CAND2: variants seen among roughly 807,000 people sequenced by gnomAD.
CAND2 encodes the protein cullin-associated NEDD8-dissociated protein 2.
In CAND2, 62 loss-of-function variants were observed where a neutral mutation model predicts 98.9. That is an observed-to-expected ratio of 0.63 (90% CI 0.51 to 0.77). CAND2 has a LOEUF of 0.77. Among genes scored for constraint, CAND2 ranks in the 30% least tolerant of loss-of-function variants. The probability of loss-of-function intolerance (pLI) is 0.00; values close to 1 mark genes in which losing one functional copy is unlikely to be tolerated. For synonymous variants in CAND2, 770 were observed against 731.9 expected, an observed-to-expected ratio of 1.05 and a Z score of -0.84; for missense variants, 1,501 against 1,655.2, an observed-to-expected ratio of 0.91 and a Z score of 1.62.
chr3:12,831,625 C>T (rs1027901927), intron 14 of CAND2, 53 bp downstream of exon 14: 229 of 993,070 alleles, frequency 2.3e-4, no homozygotes, highest in Admixed American at 5.2e-4. Context: ...ATGGAGTCCT[C>T]GGCCAGTCGT....
intron 1 of CAND2, among the ~76,000 whole-genome samples, chr3:12,801,509 G>A (rs971129961): frequency 5.3e-5 from 8 of 152,064 alleles, no homozygotes; most frequent in Admixed American, 2.0e-4. Context: ...ACCATTCCTC[G>A]ACTTGGAAAG....
In CAND2 at chr3:12,817,259, A is replaced by G; in HGVS notation, c.2327A>G (p.Lys776Arg). ...CGTCCCCCGTGTGTGGACTATGCCA[A>G]ACTCATCAGCCTGCTCACTGCGCCT... The part of the protein sequence containing the change: ...GTRPPCVDYA[K>R]LISLLTAPVY... The change falls in exon 10 of 15, where the codon AAA (lysine) becomes AGA (arginine). Residue 776 changes from lysine (K) to arginine (R), a missense_variant. Coordinates refer to ENST00000456430, the MANE Select transcript of CAND2 (RefSeq NM_001162499.2). 1 of 1,613,940 alleles carries G rather than the reference A, an allele frequency of 6.2e-7. No homozygotes were observed. Among genetic ancestry groups the G allele is most frequent in the Non-Finnish European group, 8.5e-7 (1 of 1,180,032 alleles).
chr3:12,821,391 ACT>A (rs2061956188), intron 11 of CAND2, among the ~76,000 whole-genome samples: 1 of 151,752 alleles, frequency 6.6e-6, no homozygotes, highest in African/African-American at 2.4e-5. Context: ...CAAGAGCAAA[ACT>A]CTGTCTCATA....
chr3:12,831,014 T>TA (rs66870467), intron 13 of CAND2, among the ~76,000 whole-genome samples: 10 of 152,092 alleles, frequency 6.6e-5, no homozygotes, highest in African/African-American at 2.4e-4. Flanking sequence ...TAGTTGTTGT[T>TA]AAAAGTTTTT....
chr3:12,828,084 T>C (rs933418603), intron 13 of CAND2, among the ~76,000 whole-genome samples: 1 of 152,106 alleles, frequency 6.6e-6, no homozygotes, highest in Admixed American at 6.6e-5. Flanking sequence ...TCTCTTCGTG[T>C]TGTGACCTGA....
rs1445276782 is a variant in CAND2 at position 12,803,585 on chromosome 3, C to T, written c.166C>T (p.Leu56Phe). ...ERKVVKMLLR[L>F]LEDKNGEVQN... ...CAAGGTGGTGAAGATGCTGCTCCGG[C>T]TCCTGGAGGACAAGAACGGTGAGGT... The change falls in exon 2 of 15, where the codon CTC becomes TTC. Residue 56 changes from leucine (L) to phenylalanine (F), a missense_variant. Leu to Phe is a conservative substitution (Grantham distance 22, BLOSUM62 0). Around this residue, in one of 3 missense-constraint regions of CAND2, gnomAD observed 62 missense variants for 77.3 expected, o/e 0.80. Coordinates refer to ENST00000456430, the MANE Select transcript of CAND2 (RefSeq NM_001162499.2). 1.2e-6 allele frequency: 2 copies of T among 1,613,242 alleles called. No homozygotes were observed. Among genetic ancestry groups the T allele is most frequent in the East Asian group, 2.2e-5 (1 of 44,832 alleles).
intron 2 of CAND2, among the ~76,000 whole-genome samples, chr3:12,806,310 T>C (rs1428067940): frequency 2.6e-5 from 4 of 152,076 alleles, no homozygotes; most frequent in African/African-American, 9.7e-5. Flanking sequence ...CTCATCTCAA[T>C]AAAAATCAAG....
chr3:12,811,183 C>T (rs2061849338), intron 5 of CAND2, among the ~76,000 whole-genome samples: 1 of 152,180 alleles, frequency 6.6e-6, no homozygotes, highest in Admixed American at 6.5e-5. Context: ...CAAACAGCAG[C>T]CAGCCCTCAG....
rs778876095 is a variant in CAND2 at position 12,831,455 on chromosome 3, C to T, written c.3376-10C>T. ...CATTTCACTAAGAACCATCTCCTTCCTCTGGGCAGATGCTGACCTTCATCA... is the reference window on the plus strand; with the variant it reads ...CATTTCACTAAGAACCATCTCCTTCTTCTGGGCAGATGCTGACCTTCATCA... On this transcript the variant is annotated splice_polypyrimidine_tract_variant and intron_variant, in intron 13 of 14. Coordinates refer to ENST00000456430, the MANE Select transcript of CAND2 (RefSeq NM_001162499.2). 4 of 1,610,444 alleles carry T rather than the reference C, an allele frequency of 2.5e-6. No individual in the cohort carries two copies. Among genetic ancestry groups the T allele is most frequent in the African/African-American group, 1.3e-5 (1 of 74,832 alleles).
Position 12,816,901 on chromosome 3 carries a change from C to T in CAND2, c.1969C>T (p.Leu657=), listed in dbSNP as rs538091449. 5.6e-6 allele frequency: 9 copies of T among 1,613,904 alleles called. No individual in the cohort carries two copies. The highest frequency in any genetic ancestry group is 1.3e-5 in the African/African-American group (1 of 75,068). The part of the protein sequence containing the change: ...QPILAEALHI[L]ASFLRKNQRA... ...CATCCTGGCCGAGGCACTGCACATTCTGGCCTCATTCCTGCGGAAGAACCA... is the reference window on the plus strand; with the variant it reads ...CATCCTGGCCGAGGCACTGCACATTTTGGCCTCATTCCTGCGGAAGAACCA... The change falls in exon 10 of 15, where the codon CTG becomes TTG. Residue 657 remains leucine, a synonymous_variant. Coordinates refer to ENST00000456430, the MANE Select transcript of CAND2 (RefSeq NM_001162499.2).
intron 13 of CAND2, among the ~76,000 whole-genome samples, chr3:12,830,367 A>G (rs1876617): frequency 0.28 from 42,453 of 152,106 alleles, 8,292 homozygotes; most frequent in African/African-American, 0.56. Context: ...GAGGCTCCAG[A>G]CGGGAGGGGT....
rs1406216667 is a variant in CAND2 at position 12,834,114 on chromosome 3, G to A, written c.*132G>A. On this transcript the variant is annotated 3_prime_UTR_variant, in exon 15 of 15. Transcript: ENST00000456430. The stretch of plus-strand genomic sequence containing the variant: ...CTCACTGGGGGCCCTGTCGCTCCTG[G>A]TCAGGGCTTACAGTGCCTTCTCCAG... 1.8e-5 allele frequency: 13 copies of A among 727,888 alleles called. No individual in the cohort carries two copies. Among genetic ancestry groups the A allele is most frequent in the South Asian group, 5.3e-5 (3 of 56,708 alleles). The allele number at this position is 727,888 out of a possible 1,614,324, so 45.1% of individuals were successfully genotyped here.
rs749177535 is a variant in CAND2 at position 12,825,609 on chromosome 3, G to A, written c.3180G>A (p.Glu1060=). The A allele has an allele frequency of 6.2e-6, 10 of 1,607,984 alleles. No individual in the cohort carries two copies. Among genetic ancestry groups the A allele is most frequent in the Non-Finnish European group, 8.5e-6 (10 of 1,177,512 alleles). ...ACATCCTGCCCCTCCTCTACCAGGA[G>A]ACAAAGATCCGGCGGGACCTCATCC... The part of the protein sequence containing the change: ...LDDILPLLYQ[E]TKIRRDLIRE... Residue 1060 remains glutamate, a synonymous_variant, in exon 12 of 15, where the codon GAG becomes GAA. Transcript: ENST00000456430.
Position 12,834,301 on chromosome 3 carries a change from C to G in CAND2, c.*319C>G, listed in dbSNP as rs1426501600. 3.0e-6 allele frequency: 1 copy of G among 333,110 alleles called. No individual in the cohort carries two copies. Among genetic ancestry groups the G allele is most frequent in the Non-Finnish European group, 5.6e-6 (1 of 177,416 alleles). 20.6% of individuals were successfully genotyped at this position (333,110 alleles called of 1,614,324 possible). A position where few individuals can be genotyped will look rare whatever the true frequency, so the allele number is the denominator to read the frequency against. On this transcript the variant is annotated 3_prime_UTR_variant, in exon 15 of 15. Transcript: ENST00000456430. ...TGTCTGGTTCCTTCAGAGGGTGTCT[C>G]TGCCTCACAAACTAGTAGTATTTAG...
At chr3:12,802,585 A>C (rs1045878438) in intron 1 of CAND2, among the ~76,000 whole-genome samples, 1 of 152,224 alleles carries the variant, frequency 6.6e-6, no homozygotes, top group Non-Finnish European at 1.5e-5. Context: ...CTGAAACATT[A>C]TGCATTTAGC....
Position 12,813,054 on chromosome 3 carries a change from C to G in CAND2, c.822C>G (p.Leu274=). The G allele has an allele frequency of 1.3e-6, 2 of 1,583,832 alleles. No homozygotes were observed. Among genetic ancestry groups the G allele is most frequent in the Non-Finnish European group, 1.7e-6 (2 of 1,165,640 alleles). Residue 274 remains leucine (L), a synonymous_variant, in exon 6 of 15, where the codon CTC becomes CTG. Transcript: ENST00000456430. ...EDFCNLDDDE[L]RESCLQAFEA... is the part of the protein sequence containing the mutation. ...TCTGCAACCTGGATGATGATGAGCT[C>G]CGGGAGTCCTGCCTCCAGGCTTTTG...
chr3:12,815,526 A>C lies in CAND2; in HGVS notation c.1299+93A>C. 7 of 1,085,670 alleles carry C rather than the reference A, an allele frequency of 6.4e-6. No homozygotes were observed. The highest frequency in any genetic ancestry group is 1.6e-5 in the African/African-American group (1 of 62,030). The allele number at this position is 1,085,670 out of a possible 1,614,324, so 67.3% of individuals were successfully genotyped here. A position where few individuals can be genotyped will look rare whatever the true frequency, so the allele number is the denominator to read the frequency against. Reference sequence around the variant, plus strand: ...TGGACTTGGAAACTCAGCTGGGAGAACATCCAGCCATGGAAGGGAAGGGAA... The same window carrying C: ...TGGACTTGGAAACTCAGCTGGGAGACCATCCAGCCATGGAAGGGAAGGGAA... On this transcript the variant is annotated intron_variant, in intron 8 of 14. Transcript: ENST00000456430. This position sits in a 1 kb window ranked among gnomAD's most constrained non-coding sequence, Gnocchi z 5.7.
At chr3:12,827,844 G>A (rs1181420016) in intron 13 of CAND2, among the ~76,000 whole-genome samples, 2 of 152,276 alleles carry the variant, frequency 1.3e-5, no homozygotes, top group Non-Finnish European at 2.9e-5. Context: ...TTGTCCAGGT[G>A]TGGTGGCTTA....
Position 12,815,310 on chromosome 3 carries a change from C to T in CAND2, c.1176C>T (p.Val392=), listed in dbSNP as rs1350638878. 1 of 1,614,008 alleles carries T rather than the reference C, an allele frequency of 6.2e-7. No homozygotes were observed. Among genetic ancestry groups the T allele is most frequent in the East Asian group, 2.2e-5 (1 of 44,894 alleles). ...GCTTCAAAGAACGCGAGGAGAACGTCAAGGCTGACGTCTTCACTGCTTACA... is the reference window on the plus strand; with the variant it reads ...GCTTCAAAGAACGCGAGGAGAACGTTAAGGCTGACGTCTTCACTGCTTACA... ...IRRFKEREEN[V]KADVFTAYIV... Residue 392 remains valine (V), a synonymous_variant, in exon 8 of 15, where the codon GTC becomes GTT. Coordinates refer to ENST00000456430, the MANE Select transcript of CAND2 (RefSeq NM_001162499.2). This position sits in a 1 kb window ranked among gnomAD's most constrained non-coding sequence, Gnocchi z 5.7.
Sources: allele counts gnomAD v4.1 joint callset (sites outside exome capture counted in the v4.1 genomes callset), GRCh38; gene constraint gnomAD v4.1.1; regional missense constraint gnomAD v4.1.1; non-coding constraint Gnocchi (gnomAD v3.1); transcripts MANE v1.5; gene names NCBI Gene and HGNC (gene_info 2026-07-23, HGNC 2026-07-21).